Variants in SPOCK1 observed in about 807,000 individuals in gnomAD.
SPOCK1 encodes testican-1.
A neutral mutation model predicts 55.3 loss-of-function variants in SPOCK1; 23 were observed. The ratio of observed to expected loss-of-function variants is 0.42; its 90% CI spans 0.30 to 0.59. The LOEUF (loss-of-function observed/expected upper bound fraction) is 0.59. Ranked by LOEUF, SPOCK1 falls within the 20% of genes least tolerant of loss-of-function variation. The pLI is 0.22. For missense variants in SPOCK1, 499 were observed against 552.5 expected (o/e 0.90, Z 0.97); for synonymous variants, 226 against 221.0 (o/e 1.02, Z -0.20).
chr5:137,189,840 G>A (rs1755143776), intron 3 of SPOCK1, among the ~76,000 whole-genome samples: 1 of 151,992 alleles, frequency 6.6e-6, no homozygotes, highest in Admixed American at 6.6e-5. Flanking sequence ...ATACATTAGT[G>A]ATTTACGGGA....
chr5:137,038,375 C>A (rs992840070), intron 6 of SPOCK1, among the ~76,000 whole-genome samples: 9 of 152,130 alleles, frequency 5.9e-5, no homozygotes, highest in African/African-American at 1.9e-4. Context: ...CAGAACCAGG[C>A]CTGGGAAGGG....
rs79095341 is a variant in SPOCK1, at chr5:137,192,785, G to A, written c.233-52091C>T. Among the ~76,000 whole-genome samples, 9 of 152,282 alleles carry A rather than the reference G, an allele frequency of 5.9e-5. No homozygotes were observed. The East Asian group carries it at 1.5e-3, about 26-fold the overall frequency. On this transcript the variant is annotated intron_variant, in intron 3 of 10. Coordinates refer to ENST00000394945, the MANE Select transcript of SPOCK1 (RefSeq NM_004598.4). The stretch of plus-strand genomic sequence containing the variant: ...AACCAACAACACGGAAAAACCTCAA[G>A]ACTATGTCAAGGAAAAAAACAGTGT...
intron 2 of SPOCK1, among the ~76,000 whole-genome samples, chr5:137,435,331 C>T (rs1234009055): frequency 6.6e-6 from 1 of 152,154 alleles, no homozygotes; most frequent in Non-Finnish European, 1.5e-5. Flanking sequence ...CTAATAAGAC[C>T]TGCCAAATTG....
At chr5:137,056,382 A>G (rs1752300830) in intron 6 of SPOCK1, among the ~76,000 whole-genome samples, 1 of 152,048 alleles carries the variant, frequency 6.6e-6, no homozygotes, top group South Asian at 2.1e-4. Context: ...GATTTAGATG[A>G]GGTCAAGGGA....
At chr5:137,301,948 C>A (rs1350043918) in intron 2 of SPOCK1, among the ~76,000 whole-genome samples, 1 of 152,068 alleles carries the variant, frequency 6.6e-6, no homozygotes, top group Non-Finnish European at 1.5e-5. Flanking sequence ...TCCACGAGCC[C>A]ACTCCAGGTG....
At chr5:137,083,603 C>A (rs981341847) in intron 5 of SPOCK1, among the ~76,000 whole-genome samples, 1 of 152,074 alleles carries the variant, frequency 6.6e-6, no homozygotes, top group African/African-American at 2.4e-5. Flanking sequence ...GGCTTACATT[C>A]TAGTGATGAA....
At chr5:137,394,591 A>G (rs1751802039) in intron 2 of SPOCK1, among the ~76,000 whole-genome samples, 1 of 152,168 alleles carries the variant, frequency 6.6e-6, no homozygotes, top group Non-Finnish European at 1.5e-5. Context: ...TATACCCTTT[A>G]AAGGCTGGGT....
chr5:137,092,917 T>C (rs1162531093), intron 5 of SPOCK1, among the ~76,000 whole-genome samples: 1 of 152,154 alleles, frequency 6.6e-6, no homozygotes, highest in Non-Finnish European at 1.5e-5. Context: ...TTTTTGCCGG[T>C]GGGGGCTCTG....
chr5:137,059,299 C>T (rs1316457810), intron 6 of SPOCK1, among the ~76,000 whole-genome samples: 6 of 152,010 alleles, frequency 3.9e-5, no homozygotes, highest in Admixed American at 6.6e-5. Flanking sequence ...CATGTACTTA[C>T]GTGAAAATAT....
At chr5:137,079,966 T>C (rs928342142) in intron 5 of SPOCK1, among the ~76,000 whole-genome samples, 2 of 150,048 alleles carry the variant, frequency 1.3e-5, no homozygotes, top group Admixed American at 6.7e-5. Flanking sequence ...GCTGCTAGAC[T>C]TCAGGATATT....
chr5:137,052,894 T>A (rs1395485368), intron 6 of SPOCK1, among the ~76,000 whole-genome samples: 2 of 152,176 alleles, frequency 1.3e-5, no homozygotes, highest in African/African-American at 4.8e-5. Context: ...TTTTTTTTAA[T>A]GCTCATTTTA....
At chr5:137,324,274 A>T (rs1275560914) in intron 2 of SPOCK1, among the ~76,000 whole-genome samples, 2 of 152,100 alleles carry the variant, frequency 1.3e-5, no homozygotes, top group Non-Finnish European at 2.9e-5. Flanking sequence ...GTGAAACCCC[A>T]TCTCTACTAA....
intron 3 of SPOCK1, among the ~76,000 whole-genome samples, chr5:137,256,396 CT>C (rs945720116): frequency 5.9e-5 from 9 of 152,294 alleles, no homozygotes; most frequent in Middle Eastern, 6.8e-3. Flanking sequence ...GCTTATGGTT[CT>C]GGAGTCTGAG....
chr5:137,113,514 T>C (rs1188507410), intron 4 of SPOCK1, among the ~76,000 whole-genome samples: 1 of 152,196 alleles, frequency 6.6e-6, no homozygotes, highest in African/African-American at 2.4e-5. Flanking sequence ...AAAGTACAAG[T>C]TCAAATCTCA....
At chr5:137,112,085 C>T (rs1428990568) in intron 5 of SPOCK1, among the ~76,000 whole-genome samples, 1 of 152,164 alleles carries the variant, frequency 6.6e-6, no homozygotes, top group African/African-American at 2.4e-5. Context: ...ACGACCCCCC[C>T]TTACTGGTTT....
chr5:137,143,606 T>C (rs1754139574), intron 3 of SPOCK1, among the ~76,000 whole-genome samples: 1 of 152,208 alleles, frequency 6.6e-6, no homozygotes, highest in Non-Finnish European at 1.5e-5. Flanking sequence ...AATGAGTTAA[T>C]ATCTGTAAGT....
At chr5:137,337,702 A>G (rs536120218) in intron 2 of SPOCK1, among the ~76,000 whole-genome samples, 1 of 152,354 alleles carries the variant, frequency 6.6e-6, no homozygotes, top group South Asian at 2.1e-4. Context: ...GCACGTATAC[A>G]AGTGTATATA....
chr5:137,337,971 G>C (rs900920933), intron 2 of SPOCK1, among the ~76,000 whole-genome samples: 2 of 152,084 alleles, frequency 1.3e-5, no homozygotes, highest in Non-Finnish European at 2.9e-5. Context: ...ACCTCCCTGA[G>C]TCTGTTTCTC....
At chr5:137,389,673 G>A (rs1254720671) in intron 2 of SPOCK1, among the ~76,000 whole-genome samples, 1 of 152,222 alleles carries the variant, frequency 6.6e-6, no homozygotes, top group Admixed American at 6.5e-5. Context: ...CAGAGCTGGT[G>A]TTCACAACCA....
Sources: gnomAD v4.1 joint callset for allele counts (sites outside exome capture counted in the v4.1 genomes callset) on GRCh38, gnomAD v4.1.1 for gene constraint, MANE v1.5 for transcripts, NCBI Gene and HGNC (gene_info 2026-07-23, HGNC 2026-07-21) for gene names.